The following GPR137C variants were observed in gnomAD, a reference collection of about 807,000 sequenced individuals.
GPR137C encodes the protein integral membrane protein GPR137C.
Under a neutral mutation model 43.4 loss-of-function variants are expected in GPR137C, and 27 were observed. The ratio of observed to expected loss-of-function variants is 0.62; its 90% CI spans 0.46 to 0.86. The LOEUF (loss-of-function observed/expected upper bound fraction) is 0.86. Ranked by LOEUF, GPR137C falls within the 40% of genes least tolerant of loss-of-function variation. The pLI is 0.00. For synonymous variants in GPR137C, 285 were observed against 226.9 expected (o/e 1.26, Z -2.30); for missense variants, 522 against 534.6 (o/e 0.98, Z 0.23).
At position 52,600,332 on chromosome 14, in the gene GPR137C, C is replaced by G; in HGVS notation, c.708C>G (p.Leu236=). 6.4e-7 allele frequency: 1 copy of G among 1,558,102 alleles called. No homozygotes were observed. The highest frequency in any genetic ancestry group is 8.8e-7 in the Non-Finnish European group (1 of 1,133,296). Reference sequence around the variant, plus strand: ...AAATGTCATCAGCTAATGTCTACCTCGAATCAAAGGTAAGAATATTTCTTA... The same window carrying G: ...AAATGTCATCAGCTAATGTCTACCTGGAATCAAAGGTAAGAATATTTCTTA... The part of the protein sequence containing the change: ...ITKMSSANVY[L]ESKGMSLCQT... The change falls in exon 3 of 7, where the codon CTC becomes CTG. Residue 236 remains leucine, a synonymous_variant. Coordinates refer to ENST00000321662, the MANE Select transcript of GPR137C (RefSeq NM_001099652.2).
At chr14:52,557,642 C>T (rs1331178495) in intron 1 of GPR137C, among the ~76,000 whole-genome samples, 1 of 152,168 alleles carries the variant, frequency 6.6e-6, no homozygotes, top group Non-Finnish European at 1.5e-5. Context: ...GTTTCAGATA[C>T]ATACCTGTAA....
chr14:52,575,206 C>T (rs1449756261), intron 1 of GPR137C, among the ~76,000 whole-genome samples: 1 of 152,052 alleles, frequency 6.6e-6, no homozygotes, highest in Non-Finnish European at 1.5e-5. Flanking sequence ...AAATTTAATA[C>T]TTCACTCCTG....
Position 52,632,296 on chromosome 14 carries a change from A to G in GPR137C, c.854A>G (p.Asn285Ser), listed in dbSNP as rs750026009. ...LESPFNYGWD[N>S]LSDKAHVEDI... is the part of the protein sequence containing the mutation. ...AGTCCATTTAATTATGGCTGGGATA[A>G]TCTTTCAGATAAGGTAAATACCTAC... is the stretch of plus-strand genomic sequence containing the variant. Residue 285 changes from asparagine (N) to serine (S), a missense_variant, in exon 4 of 7, where the codon AAT becomes AGT. This residue lies in a region of GPR137C where 437 missense variants were observed against 425.7 expected (regional missense o/e 1.03). Transcript: ENST00000321662. 4.3e-6 allele frequency: 7 copies of G among 1,609,370 alleles called. No individual in the cohort carries two copies. Among genetic ancestry groups the G allele is most frequent in the Non-Finnish European group, 5.9e-6 (7 of 1,177,090 alleles).
At chr14:52,572,128 C>T (rs1433970916) in intron 1 of GPR137C, among the ~76,000 whole-genome samples, 1 of 152,118 alleles carries the variant, frequency 6.6e-6, no homozygotes, top group Non-Finnish European at 1.5e-5. Flanking sequence ...CAAGAAAAGC[C>T]CAGGACCAGA....
At chr14:52,575,816 C>T (rs1177962316) in intron 1 of GPR137C, among the ~76,000 whole-genome samples, 1 of 152,184 alleles carries the variant, frequency 6.6e-6, no homozygotes, top group Non-Finnish European at 1.5e-5. Flanking sequence ...CTCTAAAGCT[C>T]AACTTTGTTA....
chr14:52,634,373 C>G (rs1440988536), intron 6 of GPR137C, among the ~76,000 whole-genome samples: 1 of 152,070 alleles, frequency 6.6e-6, no homozygotes. Context: ...TGTTACAAAA[C>G]CATTTCAAGT....
intron 1 of GPR137C, among the ~76,000 whole-genome samples, chr14:52,554,356 T>C (rs541040022): frequency 6.6e-6 from 1 of 152,354 alleles, no homozygotes; most frequent in Admixed American, 6.5e-5. Context: ...CAAACTGTTT[T>C]TGCAATAACT....
intron 1 of GPR137C, among the ~76,000 whole-genome samples, chr14:52,558,102 C>G (rs1594777676): frequency 7.9e-6 from 1 of 125,792 alleles, no homozygotes; most frequent in South Asian, 2.3e-4. Context: ...CCAGAAACTA[C>G]CAAAAAAAAA....
Position 52,636,905 on chromosome 14 carries a change from A to G in GPR137C, c.*1790A>G, listed in dbSNP as rs2039359683. 1 of 152,092 alleles carries G rather than the reference A, an allele frequency of 6.6e-6. No individual in the cohort carries two copies. Among genetic ancestry groups the G allele is most frequent in the South Asian group, 2.1e-4 (1 of 4,838 alleles). The allele number at this position is 152,092 out of a possible 1,614,324, so 9.4% of individuals were successfully genotyped here. On this transcript the variant is annotated 3_prime_UTR_variant, in exon 7 of 7. Transcript: ENST00000321662. ...TTGTTAGATTGCTTCTCAGAATGCTAACTGTTTATTTTGCTAATAATGTTA... is the reference window on the plus strand; with the variant it reads ...TTGTTAGATTGCTTCTCAGAATGCTGACTGTTTATTTTGCTAATAATGTTA...
At chr14:52,581,850 A>C (rs940728589) in intron 1 of GPR137C, among the ~76,000 whole-genome samples, 2 of 152,220 alleles carry the variant, frequency 1.3e-5, no homozygotes, top group African/African-American at 4.8e-5. Context: ...TCTATTTTAG[A>C]TCAACAAAAG....
intron 1 of GPR137C, among the ~76,000 whole-genome samples, chr14:52,584,728 A>T (rs2038690876): frequency 6.6e-6 from 1 of 152,094 alleles, no homozygotes; most frequent in Admixed American, 6.6e-5. Flanking sequence ...CCTCTGCCTC[A>T]GCCTCCCAAG....
At chr14:52,585,817 A>G (rs2038705815) in intron 1 of GPR137C, among the ~76,000 whole-genome samples, 2 of 152,170 alleles carry the variant, frequency 1.3e-5, no homozygotes, top group South Asian at 4.1e-4. Context: ...CCTGGGCGAT[A>G]GAGGGAGACT....
chr14:52,590,622 G>A (rs1415285961), intron 1 of GPR137C, among the ~76,000 whole-genome samples: 1 of 152,012 alleles, frequency 6.6e-6, no homozygotes, highest in Non-Finnish European at 1.5e-5. Context: ...TTTACTGTAT[G>A]TTTTCTATGT....
intron 1 of GPR137C, among the ~76,000 whole-genome samples, chr14:52,589,443 A>C (rs1386212730): frequency 6.6e-6 from 1 of 152,178 alleles, no homozygotes; most frequent in Non-Finnish European, 1.5e-5. Context: ...GGGAATTTTA[A>C]AAAGTGATCA....
At chr14:52,613,644 AT>A (rs1412069715) in intron 3 of GPR137C, 1 of 225,392 alleles carries the variant, frequency 4.4e-6, no homozygotes, top group Non-Finnish European at 9.0e-6. Flanking sequence ...ATTTAACATG[AT>A]GATCTCCAGT....
intron 1 of GPR137C, among the ~76,000 whole-genome samples, chr14:52,595,028 C>T (rs1366400706): frequency 1.3e-5 from 2 of 152,162 alleles, no homozygotes; most frequent in Non-Finnish European, 2.9e-5. Flanking sequence ...GACAAAATCT[C>T]TCAGCATTTG....
rs145265315 is a variant in GPR137C at position 52,620,082 on chromosome 14, G to T, written c.718-12078G>T. Among the ~76,000 whole-genome samples, 1,080 of 152,210 alleles carry T rather than the reference G, an allele frequency of 7.1e-3. 7 individuals carry two copies. Among genetic ancestry groups the T allele is most frequent in the South Asian group, 0.031 (151 of 4,828 alleles). On this transcript the variant is annotated intron_variant, in intron 3 of 6. Transcript: ENST00000321662. Reference sequence around the variant, plus strand: ...GAACAACCACTTAGAAGAAGAAAATGACACTGAGTGAGTTTCCTGTTTTTT... The same window carrying T: ...GAACAACCACTTAGAAGAAGAAAATTACACTGAGTGAGTTTCCTGTTTTTT...
chr14:52,574,623 TGATGG>T (rs1475747005), intron 1 of GPR137C, among the ~76,000 whole-genome samples: 1 of 152,146 alleles, frequency 6.6e-6, no homozygotes, highest in African/African-American at 2.4e-5. Flanking sequence ...GATGACAGGT[TGATGG>T]GTGCAGCAAA....
intron 5 of GPR137C, 26 bp downstream of exon 5, chr14:52,633,681 T>C (rs776811012): frequency 2.2e-5 from 36 of 1,606,478 alleles, no homozygotes; most frequent in Non-Finnish European, 2.5e-5. Context: ...CCCCAATGCC[T>C]GTTCTCCTAT....
Sources: allele counts gnomAD v4.1 joint callset (sites outside exome capture counted in the v4.1 genomes callset), GRCh38; gene constraint gnomAD v4.1.1; regional missense constraint gnomAD v4.1.1; transcripts MANE v1.5; gene names NCBI Gene and HGNC (gene_info 2026-07-23, HGNC 2026-07-21).